The following CTXND1 variants were observed in gnomAD, a reference collection of about 807,000 sequenced individuals.
CTXND1 encodes the protein cortexin domain containing 1.
At chr15:80,237,440 T>C (rs1286737073) in intron 1 of CTXND1, among the ~76,000 whole-genome samples, 1 of 152,120 alleles carries the variant, frequency 6.6e-6, no homozygotes, top group Non-Finnish European at 1.5e-5. Flanking sequence ...ATTGTTATCT[T>C]AGGAGATGGC....
At chr15:80,217,097 A>G (rs1369672386) in intron 1 of CTXND1, among the ~76,000 whole-genome samples, 1 of 152,186 alleles carries the variant, frequency 6.6e-6, no homozygotes, top group African/African-American at 2.4e-5. Context: ...CAACAGCAGA[A>G]GGTAGGCTCT....
At chr15:80,203,312 C>G (rs1044629057) in intron 2 of CTXND1, among the ~76,000 whole-genome samples, 5 of 152,198 alleles carry the variant, frequency 3.3e-5, no homozygotes, top group Non-Finnish European at 7.4e-5. Flanking sequence ...GCAAGTTACC[C>G]AGGCATCAAT....
intron 1 of CTXND1, among the ~76,000 whole-genome samples, chr15:80,211,319 G>A (rs1409819037): frequency 2.0e-5 from 3 of 152,212 alleles, no homozygotes; most frequent in Non-Finnish European, 2.9e-5. Flanking sequence ...AGAAGAATCC[G>A]AGTTGACCAT....
Position 80,197,955 on chromosome 15 carries a change from A to G in CTXND1, c.*3815T>C, listed in dbSNP as rs2041428863. The G allele has an allele frequency of 6.6e-6, 1 of 152,238 alleles. No individual in the cohort carries two copies. Among genetic ancestry groups the G allele is most frequent in the African/African-American group, 2.4e-5 (1 of 41,456 alleles). The allele number at this position is 152,238 out of a possible 1,614,324, so 9.4% of individuals were successfully genotyped here. ...TCAGCAACTAATTGGAAAAAAATGA[A>G]ATAGCTATGATGGGAATGATATGCC... On this transcript the variant is annotated 3_prime_UTR_variant, in exon 3 of 3. Transcript: ENST00000560778.
At chr15:80,223,792 C>G (rs1020445005) in intron 1 of CTXND1, among the ~76,000 whole-genome samples, 1 of 140,710 alleles carries the variant, frequency 7.1e-6, no homozygotes, top group African/African-American at 2.7e-5. Context: ...AAATTAGAAC[C>G]TTTTAATATG....
At chr15:80,244,534 G>A (rs1343998704) in intron 1 of CTXND1, among the ~76,000 whole-genome samples, 2 of 152,218 alleles carry the variant, frequency 1.3e-5, no homozygotes, top group Non-Finnish European at 2.9e-5. Flanking sequence ...TCTGATTGAA[G>A]ATCAGGCAGA....
intron 1 of CTXND1, among the ~76,000 whole-genome samples, chr15:80,223,686 G>A (rs536045265): frequency 1.8e-3 from 267 of 152,148 alleles, no homozygotes; most frequent in African/African-American, 6.1e-3. Context: ...AGTCCCAGTC[G>A]CTCTGCATCC....
In CTXND1 at chr15:80,231,987, T is replaced by C. The variant is rs553237347; in HGVS notation, c.-218+20020A>G. Among the ~76,000 whole-genome samples, 12 of 152,178 alleles carry C rather than the reference T, an allele frequency of 7.9e-5. No homozygotes were observed. In the East Asian group the frequency reaches 2.1e-3, roughly 27 times the overall value. On this transcript the variant is annotated intron_variant, in intron 1 of 2. Coordinates refer to ENST00000560778, the MANE Select transcript of CTXND1 (RefSeq NM_001352888.2). ...ACCCAGGTCCCAGGAACTTAGGAAG[T>C]TGGATGGCGTGGAGCTTCTGGGGCC...
intron 1 of CTXND1, among the ~76,000 whole-genome samples, chr15:80,223,220 T>A (rs1411013963): frequency 6.6e-6 from 1 of 152,186 alleles, no homozygotes; most frequent in East Asian, 1.9e-4. Flanking sequence ...CATGTCCGGC[T>A]AATTTTGTAT....
At chr15:80,220,099 C>CATCT (rs3974511) in intron 1 of CTXND1, among the ~76,000 whole-genome samples, 8,043 of 146,478 alleles carry the variant, frequency 0.055, 247 homozygotes, top group Admixed American at 0.073. Context: ...AATATACTCT[C>CATCT]ATCTATCTAT....
intron 1 of CTXND1, among the ~76,000 whole-genome samples, chr15:80,236,851 T>A (rs1893504270): frequency 6.6e-6 from 1 of 151,742 alleles, no homozygotes; most frequent in Non-Finnish European, 1.5e-5. Context: ...ATGGTAGCCC[T>A]CTTAACATCA....
At chr15:80,237,336 G>GAAAAAAA (rs201997173) in intron 1 of CTXND1, among the ~76,000 whole-genome samples, 3 of 101,578 alleles carry the variant, frequency 3.0e-5, no homozygotes, top group Non-Finnish European at 6.0e-5. Context: ...CAGTGTCTCA[G>GAAAAAAA]AAAAAAAAAA....
chr15:80,236,650 G>A (rs977887470), intron 1 of CTXND1, among the ~76,000 whole-genome samples: 1 of 152,124 alleles, frequency 6.6e-6, no homozygotes, highest in Non-Finnish European at 1.5e-5. Context: ...AGGTGTGGTG[G>A]TGTGCACCTG....
At chr15:80,251,853 T>A (rs893784249) in intron 1 of CTXND1, among the ~76,000 whole-genome samples, 154 bp downstream of exon 1, 5 of 151,910 alleles carry the variant, frequency 3.3e-5, no homozygotes, top group Admixed American at 3.3e-4. Flanking sequence ...GCGGGTCTCC[T>A]CGCCGCCGCG....
In CTXND1 at chr15:80,197,774, C is replaced by T. The variant is rs2041428021; in HGVS notation, c.*3996G>A. Reference sequence around the variant, plus strand: ...ACAGCAAGACCTAGGGGGTATGAAACCACACTAGTGGACACACCAAACTTT... The same window carrying T: ...ACAGCAAGACCTAGGGGGTATGAAATCACACTAGTGGACACACCAAACTTT... On this transcript the variant is annotated 3_prime_UTR_variant, in exon 3 of 3. Transcript: ENST00000560778. The T allele has an allele frequency of 1.3e-5, 2 of 152,216 alleles. No homozygotes were observed. Among genetic ancestry groups the T allele is most frequent in the South Asian group, 4.1e-4 (2 of 4,830 alleles). The allele number at this position is 152,216 out of a possible 1,614,324, so 9.4% of individuals were successfully genotyped here.
chr15:80,247,016 C>T (rs1893638902), intron 1 of CTXND1, among the ~76,000 whole-genome samples: 1 of 152,150 alleles, frequency 6.6e-6, no homozygotes, highest in Non-Finnish European at 1.5e-5. Flanking sequence ...TGTCTTAAAA[C>T]TTAGGAGGTC....
intron 1 of CTXND1, among the ~76,000 whole-genome samples, chr15:80,223,908 AG>A (rs1893346132): frequency 6.6e-6 from 1 of 152,138 alleles, no homozygotes; most frequent in African/African-American, 2.4e-5. Flanking sequence ...GAAGAGGTTG[AG>A]TCCATGCGTC....
rs562067344 is a variant in CTXND1, at chr15:80,230,196, C to T, written c.-218+21811G>A. On this transcript the variant is annotated intron_variant, in intron 1 of 2. Transcript: ENST00000560778. Reference sequence around the variant, plus strand: ...AGAAAATCAATTCTGTTTCCAGATCCGCAGCAGTGTAATCATACAGTGCAT... The same window carrying T: ...AGAAAATCAATTCTGTTTCCAGATCTGCAGCAGTGTAATCATACAGTGCAT... 3.0e-4 allele frequency among the ~76,000 whole-genome samples: 46 copies of T among 152,240 alleles called. 1 individual carries two copies. Among genetic ancestry groups the T allele is most frequent in the African/African-American group, 9.6e-4 (40 of 41,542 alleles).
chr15:80,244,529 T>C (rs941406382), intron 1 of CTXND1, among the ~76,000 whole-genome samples: 4 of 152,194 alleles, frequency 2.6e-5, no homozygotes, highest in African/African-American at 7.2e-5. Flanking sequence ...AGCTCTCTGA[T>C]TGAAGATCAG....
Sources: allele counts gnomAD v4.1 joint callset (sites outside exome capture counted in the v4.1 genomes callset), GRCh38; gene constraint gnomAD v4.1.1; transcripts MANE v1.5; gene names NCBI Gene and HGNC (gene_info 2026-07-23, HGNC 2026-07-21).